The following FMN2 variants were observed in gnomAD, a reference collection of about 807,000 sequenced individuals.
FMN2 encodes formin-2.
A neutral mutation model predicts 142.3 loss-of-function variants in FMN2; 51 were observed. That is an observed-to-expected ratio of 0.36 (90% CI 0.29 to 0.45). The LOEUF (loss-of-function observed/expected upper bound fraction) is 0.45, where lower values mean the gene tolerates loss of function less well. Among genes scored for constraint, FMN2 ranks in the 20% least tolerant of loss-of-function variants. The pLI, the probability that FMN2 is intolerant of heterozygous loss-of-function variation, is 1.00. For synonymous variants in FMN2, 882 were observed against 869.8 expected (o/e 1.01, Z -0.25); for missense variants, 1,936 against 2,122.8 (o/e 0.91, Z 1.73).
At chr1:240,259,633 C>G (rs1200816695) in intron 7 of FMN2, among the ~76,000 whole-genome samples, 1 of 151,954 alleles carries the variant, frequency 6.6e-6, no homozygotes, top group African/African-American at 2.4e-5. Context: ...TCCTCTAGAG[C>G]AAACTTGACT....
chr1:240,273,075 G>A (rs1669077405), intron 7 of FMN2, among the ~76,000 whole-genome samples: 1 of 152,082 alleles, frequency 6.6e-6, no homozygotes, highest in Non-Finnish European at 1.5e-5. Flanking sequence ...GCTCATTTGA[G>A]GAAATGGTGG....
Position 240,097,545 on chromosome 1 carries a change from C to T in FMN2, c.1615+3821C>T, listed in dbSNP as rs551154725. ...TAATTTTTTGTATTTTTAGTACAGA[C>T]GGGGTTTCACCGTGTTAGCCAGGAT... On this transcript the variant is annotated intron_variant, in intron 1 of 17. Transcript: ENST00000319653. 3.9e-5 allele frequency among the ~76,000 whole-genome samples: 6 copies of T among 151,950 alleles called. No individual in the cohort carries two copies. The East Asian group carries it at 5.8e-4, about 15-fold the overall frequency.
intron 13 of FMN2, among the ~76,000 whole-genome samples, chr1:240,355,486 C>T (rs1672233735): frequency 6.6e-6 from 1 of 152,174 alleles, no homozygotes; most frequent in South Asian, 2.1e-4. Context: ...ATCCTTATAA[C>T]TGCACAGTGA....
chr1:240,185,649 C>G (rs1307392612), intron 3 of FMN2, among the ~76,000 whole-genome samples: 2 of 152,174 alleles, frequency 1.3e-5, no homozygotes, highest in Non-Finnish European at 2.9e-5. Flanking sequence ...CTTTTTGGGT[C>G]CAGTTACCGG....
chr1:240,212,330 G>T (rs1416776418), intron 6 of FMN2, among the ~76,000 whole-genome samples: 1 of 152,180 alleles, frequency 6.6e-6, no homozygotes, highest in East Asian at 1.9e-4. Flanking sequence ...ACCCGTAGTT[G>T]GCTGGGTGAG....
At chr1:240,221,046 C>T (rs1558375502) in intron 6 of FMN2, among the ~76,000 whole-genome samples, 2 of 152,170 alleles carry the variant, frequency 1.3e-5, no homozygotes, top group African/African-American at 2.4e-5. Flanking sequence ...AGGACACGAA[C>T]TCATCCTTTT....
intron 16 of FMN2, among the ~76,000 whole-genome samples, chr1:240,452,170 G>T (rs998426499): frequency 6.6e-6 from 1 of 152,000 alleles, no homozygotes; most frequent in Non-Finnish European, 1.5e-5. Context: ...CAGCCTGGGC[G>T]ACAGAGCAAG....
chr1:240,285,270 A>G, intron 7 of FMN2: 1 of 455,454 alleles, frequency 2.2e-6, no homozygotes. Context: ...TGGATGTGGA[A>G]GGTGAGGGGA....
chr1:240,228,328 A>AAAAAAAAAAAAAAAAAG (rs1558380489), intron 6 of FMN2, among the ~76,000 whole-genome samples: 1 of 66,364 alleles, frequency 1.5e-5, no homozygotes. Context: ...AAAAAAAAAA[A>AAAAAAAAAAAAAAAAAG]AAAAGAAAAA....
intron 5 of FMN2, 79 bp from the exon 6 acceptor site, chr1:240,211,012 C>G: frequency 2.2e-6 from 3 of 1,392,114 alleles, no homozygotes; most frequent in Non-Finnish European, 2.9e-6. Flanking sequence ...CCTCCCTCCC[C>G]TTCTTCCTTT....
At chr1:240,228,847 C>T (rs937060396) in intron 6 of FMN2, among the ~76,000 whole-genome samples, 1 of 151,842 alleles carries the variant, frequency 6.6e-6, no homozygotes, top group Non-Finnish European at 1.5e-5. Flanking sequence ...TAACTTAAAG[C>T]ATAATATAGT....
chr1:240,328,978 T>C, intron 8 of FMN2, 98 bp from the exon 9 acceptor site: 2 of 995,744 alleles, frequency 2.0e-6, no homozygotes, highest in Non-Finnish European at 3.0e-6. Flanking sequence ...AGCGTTTCGC[T>C]GTATTCAGAT....
At chr1:240,416,356 G>T (rs1274686573) in intron 15 of FMN2, among the ~76,000 whole-genome samples, 2 of 151,390 alleles carry the variant, frequency 1.3e-5, no homozygotes, top group Non-Finnish European at 2.9e-5. Context: ...CACCTCCTGG[G>T]TTCAAGCGAT....
At chr1:240,442,000 A>T (rs528806617) in intron 16 of FMN2, among the ~76,000 whole-genome samples, 125 of 152,316 alleles carry the variant, frequency 8.2e-4, no homozygotes, top group African/African-American at 2.9e-3. Flanking sequence ...TCAGAAGGGC[A>T]AGAGTGGAAC....
chr1:240,380,981 T>G (rs1308830807), intron 14 of FMN2, among the ~76,000 whole-genome samples: 1 of 152,048 alleles, frequency 6.6e-6, no homozygotes, highest in African/African-American at 2.4e-5. Flanking sequence ...CTAGAAAACT[T>G]AGTAACAAGT....
intron 4 of FMN2, among the ~76,000 whole-genome samples, chr1:240,203,703 G>A (rs1023235322): frequency 2.0e-5 from 3 of 152,158 alleles, no homozygotes; most frequent in Non-Finnish European, 4.4e-5. Flanking sequence ...GCTAATGCAT[G>A]CTGGGCATAA....
intron 2 of FMN2, among the ~76,000 whole-genome samples, chr1:240,131,268 C>T (rs768133658): frequency 1.3e-5 from 2 of 152,114 alleles, no homozygotes; most frequent in African/African-American, 4.8e-5. Context: ...GGGTCACAAT[C>T]GTGTTTAGGC....
chr1:240,094,114 T>A (rs1339420449), intron 1 of FMN2, among the ~76,000 whole-genome samples: 1 of 152,052 alleles, frequency 6.6e-6, no homozygotes, highest in East Asian at 1.9e-4. Context: ...AGAAAAAAAA[T>A]TGTTCATGGT....
chr1:240,120,737 A>G (rs1332936652), intron 1 of FMN2, among the ~76,000 whole-genome samples: 4 of 152,248 alleles, frequency 2.6e-5, no homozygotes, highest in Non-Finnish European at 5.9e-5. Flanking sequence ...CAGTTGATCT[A>G]AATTTGAAGA....
Sources: allele counts gnomAD v4.1 joint callset (sites outside exome capture counted in the v4.1 genomes callset), GRCh38; gene constraint gnomAD v4.1.1; transcripts MANE v1.5; gene names NCBI Gene and HGNC (gene_info 2026-07-23, HGNC 2026-07-21).